NRXN1: variants seen among roughly 807,000 people sequenced by gnomAD.
The protein encoded by NRXN1 is neurexin-1.
A neutral mutation model predicts 150.9 loss-of-function variants in NRXN1; 39 were observed. That is an observed-to-expected ratio of 0.26 (90% confidence interval 0.20 to 0.34). The LOEUF (loss-of-function observed/expected upper bound fraction) is 0.34, where lower values mean the gene tolerates loss of function less well. Among genes scored for constraint, NRXN1 ranks in the 10% least tolerant of loss-of-function variants. The probability of loss-of-function intolerance (pLI) is 1.00; values close to 1 mark genes in which losing one functional copy is unlikely to be tolerated. For missense variants in NRXN1, 1,815 were observed against 1,949.9 expected (o/e 0.93, Z 1.30); for synonymous variants, 924 against 757.0 (o/e 1.22, Z -3.62).
chr2:50,912,587 T>G (rs1460493936), intron 5 of NRXN1, among the ~76,000 whole-genome samples: 2 of 151,804 alleles, frequency 1.3e-5, no homozygotes, highest in Non-Finnish European at 2.9e-5. Flanking sequence ...GAGTAACTGC[T>G]CTGGGCTGTC....
chr2:51,007,302 T>C (rs1261138545), intron 2 of NRXN1, among the ~76,000 whole-genome samples: 1 of 151,884 alleles, frequency 6.6e-6, no homozygotes, highest in Non-Finnish European at 1.5e-5. Context: ...CAAAGAAAAA[T>C]TGATACAATA....
At chr2:50,969,667 C>G (rs923657589) in intron 2 of NRXN1, among the ~76,000 whole-genome samples, 4 of 152,070 alleles carry the variant, frequency 2.6e-5, no homozygotes, top group Non-Finnish European at 5.9e-5. Flanking sequence ...GTACATATAT[C>G]TAAATTTAGG....
intron 21 of NRXN1, among the ~76,000 whole-genome samples, chr2:50,043,482 T>C (rs1182058690): frequency 2.6e-5 from 4 of 152,210 alleles, no homozygotes; most frequent in Non-Finnish European, 5.9e-5. Context: ...TGGGTCCTTT[T>C]CATTTCTGAA....
chr2:50,142,881 T>C (rs375416970), intron 18 of NRXN1, among the ~76,000 whole-genome samples: 8 of 151,926 alleles, frequency 5.3e-5, no homozygotes, highest in South Asian at 4.2e-4. Flanking sequence ...AACCCAGGCA[T>C]AGAACCTACA....
chr2:50,372,790 C>A (rs1248168992), intron 17 of NRXN1, among the ~76,000 whole-genome samples: 2 of 151,898 alleles, frequency 1.3e-5, no homozygotes, highest in Non-Finnish European at 2.9e-5. Context: ...AAAATTCAAT[C>A]CTCATTTCTA....
chr2:50,578,267 G>A (rs1278886246), intron 8 of NRXN1, among the ~76,000 whole-genome samples: 2 of 152,118 alleles, frequency 1.3e-5, no homozygotes, highest in African/African-American at 4.8e-5. Context: ...TTCATAGCAA[G>A]AGCATAGTGT....
chr2:50,651,430 T>C (rs1388759055), intron 5 of NRXN1, among the ~76,000 whole-genome samples: 2 of 151,622 alleles, frequency 1.3e-5, no homozygotes, highest in African/African-American at 2.4e-5. Flanking sequence ...CTGGGAAATA[T>C]AGTGAGACCT....
intron 5 of NRXN1, among the ~76,000 whole-genome samples, chr2:50,675,278 A>G (rs1262422689): frequency 6.6e-6 from 1 of 152,126 alleles, no homozygotes; most frequent in Non-Finnish European, 1.5e-5. Flanking sequence ...TACAGACTAT[A>G]AATGCTATTT....
intron 8 of NRXN1, among the ~76,000 whole-genome samples, chr2:50,565,284 A>G (rs986857804): frequency 6.6e-6 from 1 of 152,160 alleles, no homozygotes; most frequent in Non-Finnish European, 1.5e-5. Flanking sequence ...CCTAAAAAAA[A>G]AAGAAAAGAA....
chr2:50,820,777 T>C (rs2105823829), intron 5 of NRXN1, among the ~76,000 whole-genome samples: 1 of 152,252 alleles, frequency 6.6e-6, no homozygotes, highest in Non-Finnish European at 1.5e-5. Flanking sequence ...GTCGCCTCTC[T>C]GTCAGGGATC....
At chr2:50,764,810 G>T (rs1383410263) in intron 5 of NRXN1, among the ~76,000 whole-genome samples, 1 of 151,996 alleles carries the variant, frequency 6.6e-6, no homozygotes, top group African/African-American at 2.4e-5. Context: ...CCACTAAATT[G>T]CCAAAATGCT....
intron 17 of NRXN1, among the ~76,000 whole-genome samples, chr2:50,412,304 T>C (rs1249805830): frequency 6.8e-6 from 1 of 147,546 alleles, no homozygotes; most frequent in Non-Finnish European, 1.5e-5. Context: ...CCAAGAATGA[T>C]CAATAAATAC....
intron 17 of NRXN1, among the ~76,000 whole-genome samples, chr2:50,461,531 G>A (rs959099032): frequency 1.3e-5 from 2 of 151,998 alleles, no homozygotes; most frequent in African/African-American, 4.8e-5. Context: ...CTGGGTAAAA[G>A]GAGAAAAGGA....
chr2:50,576,653 T>C (rs188550250), intron 8 of NRXN1, among the ~76,000 whole-genome samples: 11 of 152,244 alleles, frequency 7.2e-5, no homozygotes, highest in African/African-American at 2.6e-4. Flanking sequence ...CTTCCAGTTC[T>C]CTTTTATACA....
At chr2:50,294,817 T>C (rs62133123) in intron 17 of NRXN1, among the ~76,000 whole-genome samples, 730 of 152,312 alleles carry the variant, frequency 4.8e-3, no homozygotes, top group African/African-American at 6.0e-3. Flanking sequence ...ATCTGTTTTA[T>C]TTCCAGAGTT....
intron 5 of NRXN1, among the ~76,000 whole-genome samples, chr2:50,691,482 A>AT (rs1409810636): frequency 2.0e-5 from 3 of 152,158 alleles, no homozygotes; most frequent in Admixed American, 6.5e-5. Flanking sequence ...TCAAATGCTT[A>AT]TTTTTTTAGG....
intron 12 of NRXN1, among the ~76,000 whole-genome samples, chr2:50,519,938 A>C (rs966685325): frequency 6.6e-6 from 1 of 151,966 alleles, no homozygotes; most frequent in South Asian, 2.1e-4. Flanking sequence ...AATAGATTAC[A>C]TTTAAAAATA....
At chr2:50,583,560 T>C (rs1200074600) in intron 8 of NRXN1, among the ~76,000 whole-genome samples, 1 of 152,186 alleles carries the variant, frequency 6.6e-6, no homozygotes. Context: ...ATGTTAATTT[T>C]TGTATCTTAC....
chr2:50,747,252 G>T (rs1453025804), intron 5 of NRXN1, among the ~76,000 whole-genome samples: 3 of 152,126 alleles, frequency 2.0e-5, no homozygotes, highest in Non-Finnish European at 4.4e-5. Context: ...TCTTTCTGAA[G>T]AACTTCTTTC....
Sources: gnomAD v4.1 joint callset for allele counts (sites outside exome capture counted in the v4.1 genomes callset) on GRCh38, gnomAD v4.1.1 for gene constraint, MANE v1.5 for transcripts, NCBI Gene and HGNC (gene_info 2026-07-23, HGNC 2026-07-21) for gene names.